SNAPC1: variants seen among roughly 807,000 people sequenced by gnomAD.
The protein encoded by SNAPC1 is snRNA-activating protein complex subunit 1.
Under a neutral mutation model 50.1 loss-of-function variants are expected in SNAPC1, and 42 were observed. The observed-to-expected ratio is 0.84, with a 90% CI of 0.65 to 1.08. SNAPC1 has a LOEUF of 1.08. SNAPC1 is among the 50% of genes least tolerant of loss of function. SNAPC1 has a pLI of 0.00. For synonymous variants in SNAPC1, 164 were observed against 144.2 expected, an observed-to-expected ratio of 1.14 and a Z score of -0.98; for missense variants, 477 against 427.3, an observed-to-expected ratio of 1.12 and a Z score of -1.02.
At chr14:61,766,497 C>G (rs2044949533) in intron 1 of SNAPC1, among the ~76,000 whole-genome samples, 1 of 152,210 alleles carries the variant, frequency 6.6e-6, no homozygotes, top group African/African-American at 2.4e-5. Context: ...AATTTACGTT[C>G]AAGTGATACT....
intron 5 of SNAPC1, among the ~76,000 whole-genome samples, chr14:61,776,877 C>T (rs1219717493): frequency 6.6e-6 from 1 of 152,148 alleles, no homozygotes; most frequent in Non-Finnish European, 1.5e-5. Flanking sequence ...TTTATTTAAC[C>T]AAAAGTATTG....
chr14:61,766,787 A>C (rs953286704), intron 1 of SNAPC1, 89 bp from the exon 2 acceptor site: 2 of 660,306 alleles, frequency 3.0e-6, no homozygotes, highest in East Asian at 5.4e-5. Context: ...TCAAATTATA[A>C]CTACCGTTTA....
intron 8 of SNAPC1, among the ~76,000 whole-genome samples, chr14:61,784,243 A>G (rs1287114039): frequency 2.0e-5 from 3 of 152,198 alleles, no homozygotes; most frequent in Non-Finnish European, 4.4e-5. Context: ...AAATTGTTAG[A>G]CTAAACTCAC....
chr14:61,788,280 A>G (rs2045128901), intron 8 of SNAPC1, among the ~76,000 whole-genome samples: 3 of 152,244 alleles, frequency 2.0e-5, no homozygotes, highest in Non-Finnish European at 4.4e-5. Flanking sequence ...ACTCTGAAGC[A>G]GAAGTAGTTA....
At chr14:61,781,306 G>T (rs1322426547) in intron 7 of SNAPC1, among the ~76,000 whole-genome samples, 1 of 151,910 alleles carries the variant, frequency 6.6e-6, no homozygotes, top group Non-Finnish European at 1.5e-5. Context: ...AAAATTAGCC[G>T]GGCGTGGTGG....
At chr14:61,766,273 C>A (rs574023421) in intron 1 of SNAPC1, among the ~76,000 whole-genome samples, 5 of 152,336 alleles carry the variant, frequency 3.3e-5, no homozygotes, top group African/African-American at 1.2e-4. Flanking sequence ...CCTTTCTCAG[C>A]ATTCCACAAG....
chr14:61,766,023 T>A (rs2044946059), intron 1 of SNAPC1, among the ~76,000 whole-genome samples: 1 of 152,242 alleles, frequency 6.6e-6, no homozygotes, highest in South Asian at 2.1e-4. Context: ...GAGGTTCTGC[T>A]TCAAAGAGTT....
chr14:61,790,435 A>G (rs1397672188), intron 8 of SNAPC1, among the ~76,000 whole-genome samples: 1 of 152,132 alleles, frequency 6.6e-6, no homozygotes, highest in Admixed American at 6.5e-5. Context: ...TCCTGGGTTC[A>G]AGCGATTCTT....
At chr14:61,790,634 G>C (rs1244026731) in intron 8 of SNAPC1, among the ~76,000 whole-genome samples, 1 of 152,190 alleles carries the variant, frequency 6.6e-6, no homozygotes, top group Non-Finnish European at 1.5e-5. Flanking sequence ...ACCGCACCCG[G>C]CTATGTAACA....
At chr14:61,770,738 A>G (rs28657906) in intron 4 of SNAPC1, among the ~76,000 whole-genome samples, 53 of 151,906 alleles carry the variant, frequency 3.5e-4, no homozygotes, top group African/African-American at 1.3e-3. Flanking sequence ...ATACATATGG[A>G]TCCTTTTTTT....
At chr14:61,772,409 T>TAA (rs1239386011) in intron 4 of SNAPC1, among the ~76,000 whole-genome samples, 2 of 152,236 alleles carry the variant, frequency 1.3e-5, no homozygotes, top group African/African-American at 4.8e-5. Flanking sequence ...CACGCTGGGC[T>TAA]AATCTTTGTA....
chr14:61,784,439 A>G (rs2045100374), intron 8 of SNAPC1, among the ~76,000 whole-genome samples: 1 of 151,674 alleles, frequency 6.6e-6, no homozygotes, highest in Non-Finnish European at 1.5e-5. Flanking sequence ...GACATTTGAT[A>G]ATATCCACCA....
intron 3 of SNAPC1, among the ~76,000 whole-genome samples, chr14:61,768,369 G>A (rs1317184253): frequency 6.6e-6 from 1 of 152,178 alleles, no homozygotes; most frequent in African/African-American, 2.4e-5. Context: ...AGGTTGAAGA[G>A]CACTAGTTCT....
rs1327119751 is a variant in SNAPC1 at position 61,781,166 on chromosome 14, T to C, written c.826-1081T>C. ...ATACGTGGTTGCTTTTTAAGAATTG[T>C]TGGCCGGGTGCGGTGGCTCATGCCT... On this transcript the variant is annotated intron_variant, in intron 7 of 9. Coordinates refer to ENST00000216294, the MANE Select transcript of SNAPC1 (RefSeq NM_003082.4). Among the ~76,000 whole-genome samples, 3 of 152,014 alleles carry C rather than the reference T, an allele frequency of 2.0e-5. 1 individual carries two copies. Among genetic ancestry groups the C allele is most frequent in the Admixed American group, 2.0e-4 (3 of 15,240 alleles).
chr14:61,778,841 C>CATCCAGAG lies in SNAPC1; in HGVS notation c.763-4_766dup. 3 of 1,542,340 alleles carry CATCCAGAG rather than the reference C, an allele frequency of 1.9e-6. No individual in the cohort carries two copies. Among genetic ancestry groups the CATCCAGAG allele is most frequent in the Non-Finnish European group, 2.6e-6 (3 of 1,142,050 alleles). The stretch of plus-strand genomic sequence containing the variant: ...TAACTTTTTTTTCCTTCTTATTTTA[C>CATCCAGAG]ATCCAGAGATGTGAAAGGGCAGAAT... On this transcript the variant is annotated splice_region_variant and splice_polypyrimidine_tract_variant and intron_variant, in intron 6 of 9. Coordinates refer to ENST00000216294, the MANE Select transcript of SNAPC1 (RefSeq NM_003082.4).
Position 61,762,435 on chromosome 14 carries a change from T to TCGGAGGCGTGCGGGCTG in SNAPC1, c.-10_-9insGCGGAGGCGTGCGGGCT. ...CTAGTCCGTTAGAGGCGTGCGGGCT[T>TCGGAGGCGTGCGGGCTG]CGGAGGCGTGCGGGCTTCGGGTGCC... On this transcript the variant is annotated 5_prime_UTR_variant, in exon 1 of 10. Coordinates refer to ENST00000216294, the MANE Select transcript of SNAPC1 (RefSeq NM_003082.4). The TCGGAGGCGTGCGGGCTG allele has an allele frequency of 6.2e-7, 1 of 1,607,434 alleles. No individual in the cohort carries two copies. The highest frequency in any genetic ancestry group is 8.5e-7 in the Non-Finnish European group (1 of 1,178,076).
At position 61,762,449 on chromosome 14, in the gene SNAPC1, G is replaced by C. The variant is rs771209146; in HGVS notation, c.-12G>C. 6.2e-7 allele frequency: 1 copy of C among 1,611,546 alleles called. No individual in the cohort carries two copies. Among genetic ancestry groups the C allele is most frequent in the Admixed American group, 1.7e-5 (1 of 60,022 alleles). ...GCGTGCGGGCTTCGGAGGCGTGCGG[G>C]CTTCGGGTGCCATGGGGACTCCTCC... On this transcript the variant is annotated 5_prime_UTR_variant, in exon 1 of 10. Transcript: ENST00000216294.
chr14:61,767,482 T>A, intron 3 of SNAPC1, 130 bp downstream of exon 3: 2 of 482,616 alleles, frequency 4.1e-6, no homozygotes, highest in South Asian at 8.3e-5. Context: ...TTTTTTTTTT[T>A]AGACAGAGTC....
intron 8 of SNAPC1, among the ~76,000 whole-genome samples, chr14:61,785,393 A>G (rs2045107911): frequency 6.6e-6 from 1 of 152,174 alleles, no homozygotes; most frequent in African/African-American, 2.4e-5. Context: ...CTGGGCAACA[A>G]GAGCGAAATT....
Sources: gnomAD v4.1 joint callset for allele counts (sites outside exome capture counted in the v4.1 genomes callset) on GRCh38, gnomAD v4.1.1 for gene constraint, MANE v1.5 for transcripts, NCBI Gene and HGNC (gene_info 2026-07-23, HGNC 2026-07-21) for gene names.